Variants in ATP13A4 observed in about 807,000 individuals in gnomAD.
ATP13A4 encodes the protein ATPase 13A4.
ATP13A4 carries 114 observed loss-of-function variants against 142.5 expected under a neutral mutation model. The observed-to-expected ratio is 0.80, with a 90% confidence interval of 0.69 to 0.93. ATP13A4 has a LOEUF of 0.93. Among genes scored for constraint, ATP13A4 ranks in the 40% least tolerant of loss-of-function variants. The pLI, the probability that ATP13A4 is intolerant of heterozygous loss-of-function variation, is 0.00. For missense variants in ATP13A4, 1,392 were observed against 1,454.0 expected (o/e 0.96, Z 0.69); for synonymous variants, 488 against 514.8 (o/e 0.95, Z 0.70).
chr3:193,453,845 C>T (rs536402545), intron 17 of ATP13A4, among the ~76,000 whole-genome samples: 13 of 152,264 alleles, frequency 8.5e-5, no homozygotes, highest in Admixed American at 2.0e-4. Flanking sequence ...TCATATTAAA[C>T]ATCTTATATG....
chr3:193,578,813 T>C (rs1217615635), intron 2 of ATP13A4: 2 of 152,688 alleles, frequency 1.3e-5, no homozygotes, highest in African/African-American at 2.4e-5. Context: ...ACATTAGAAC[T>C]CCACATTCTC....
chr3:193,447,549 G>A (rs1717026317), intron 18 of ATP13A4, among the ~76,000 whole-genome samples: 1 of 152,076 alleles, frequency 6.6e-6, no homozygotes, highest in South Asian at 2.1e-4. Flanking sequence ...ATATGAACAT[G>A]AATTCATTAG....
At chr3:193,440,100 C>T (rs1716535390) in intron 21 of ATP13A4, 1 of 175,904 alleles carries the variant, frequency 5.7e-6, no homozygotes, top group Admixed American at 5.6e-5. Context: ...TGGAAAAATG[C>T]TTTGGCACAC....
intron 1 of ATP13A4, among the ~76,000 whole-genome samples, chr3:193,592,453 G>C (rs142910145): frequency 6.6e-6 from 1 of 152,268 alleles, no homozygotes; most frequent in African/African-American, 2.4e-5. Flanking sequence ...GATGGCCAGA[G>C]AGCCAAAAGA....
rs79146672 is a variant in ATP13A4, at chr3:193,411,956, G to A, written c.3208+222C>T. 4.1e-3 allele frequency among the ~76,000 whole-genome samples: 626 copies of A among 152,316 alleles called. 15 individuals are homozygous for A. The East Asian group carries it at 0.062, about 15-fold the overall frequency. On this transcript the variant is annotated intron_variant, in intron 27 of 29. Coordinates refer to ENST00000342695, the MANE Select transcript of ATP13A4 (RefSeq NM_032279.4). The stretch of plus-strand genomic sequence containing the variant: ...AGACACCCAGAGGCAAACTTCTGGC[G>A]AAGGAAAGGGAGAAAGAAGCCCTAG...
intron 7 of ATP13A4, among the ~76,000 whole-genome samples, chr3:193,489,441 T>G (rs1403575874): frequency 6.6e-6 from 1 of 152,156 alleles, no homozygotes; most frequent in Non-Finnish European, 1.5e-5. Flanking sequence ...TCTACATAAA[T>G]TTTTTCACAT....
intron 16 of ATP13A4, among the ~76,000 whole-genome samples, chr3:193,456,788 G>A (rs559640903): frequency 2.8e-4 from 43 of 152,250 alleles, no homozygotes; most frequent in Admixed American, 7.8e-4. Context: ...GGGTGGTGGC[G>A]GGGGATGGTG....
intron 1 of ATP13A4, among the ~76,000 whole-genome samples, chr3:193,585,988 C>A (rs1724659117): frequency 6.6e-6 from 1 of 152,004 alleles, no homozygotes. Context: ...ACATCCTCGA[C>A]AAAATTTTCA....
intron 1 of ATP13A4, among the ~76,000 whole-genome samples, chr3:193,541,762 G>T (rs758297537): frequency 4.6e-5 from 7 of 152,180 alleles, no homozygotes. Context: ...GTGACAACAA[G>T]CATAGTATTC....
rs11927509 is a variant in ATP13A4 at position 193,582,696 on chromosome 3, A to T, written n.92-790T>A. On this transcript the variant is annotated intron_variant and non_coding_transcript_variant, in intron 1 of 3. Coordinates refer to the ATP13A4 transcript ENST00000489140. The stretch of plus-strand genomic sequence containing the variant: ...TTACATATATATTATATATGTGTAT[A>T]ACATATATAATATATATGTATATTA... 1.6e-3 allele frequency among the ~76,000 whole-genome samples: 86 copies of T among 53,226 alleles called. 30 individuals carry two copies. Among genetic ancestry groups the T allele is most frequent in the African/African-American group, 5.4e-3 (49 of 9,034 alleles). The allele number at this position is 53,226 out of a possible 152,430, so 34.9% of individuals were successfully genotyped here.
chr3:193,415,821 T>C (rs911420340), intron 25 of ATP13A4, among the ~76,000 whole-genome samples: 1 of 152,152 alleles, frequency 6.6e-6, no homozygotes, highest in Non-Finnish European at 1.5e-5. Flanking sequence ...GAAATTTCCT[T>C]GGAGGAATTA....
chr3:193,446,549 G>A (rs1411062110), intron 18 of ATP13A4, among the ~76,000 whole-genome samples: 4 of 152,176 alleles, frequency 2.6e-5, no homozygotes, highest in Admixed American at 2.0e-4. Flanking sequence ...ATTGTCACAA[G>A]GGGTTGCGTA....
intron 2 of ATP13A4, among the ~76,000 whole-genome samples, chr3:193,565,845 T>C (rs1724120289): frequency 6.6e-6 from 1 of 152,252 alleles, no homozygotes; most frequent in Non-Finnish European, 1.5e-5. Context: ...TATCTCACTA[T>C]GTGATGTTGA....
intron 1 of ATP13A4, among the ~76,000 whole-genome samples, chr3:193,523,364 T>C (rs575306719): frequency 1.3e-5 from 2 of 152,148 alleles, no homozygotes; most frequent in East Asian, 3.9e-4. Context: ...GCTAATGAGA[T>C]GACCTTCAGG....
At chr3:193,507,410 T>A (rs1308369237) in intron 2 of ATP13A4, among the ~76,000 whole-genome samples, 1 of 152,116 alleles carries the variant, frequency 6.6e-6, no homozygotes, top group Non-Finnish European at 1.5e-5. Flanking sequence ...TCCCAATGTC[T>A]TTTAGTTGGA....
intron 1 of ATP13A4, among the ~76,000 whole-genome samples, chr3:193,547,286 C>A (rs911376818): frequency 6.6e-6 from 1 of 152,182 alleles, no homozygotes; most frequent in African/African-American, 2.4e-5. Flanking sequence ...AATGATGTAA[C>A]ATCCTTTAAA....
chr3:193,564,856 C>T (rs1724097528), intron 2 of ATP13A4, among the ~76,000 whole-genome samples: 1 of 152,120 alleles, frequency 6.6e-6, no homozygotes, highest in Non-Finnish European at 1.5e-5. Context: ...AGCTCCACCA[C>T]CTGTCAGAGC....
At chr3:193,483,169 C>T (rs1355441958) in intron 8 of ATP13A4, among the ~76,000 whole-genome samples, 2 of 152,222 alleles carry the variant, frequency 1.3e-5, no homozygotes, top group African/African-American at 2.4e-5. Flanking sequence ...CCAAAGAATA[C>T]ATACTGTAAA....
At chr3:193,418,748 C>G (rs551355533) in intron 25 of ATP13A4, among the ~76,000 whole-genome samples, 1 of 150,140 alleles carries the variant, frequency 6.7e-6, no homozygotes, top group Non-Finnish European at 1.5e-5. Flanking sequence ...TAGAAGCCAA[C>G]AGTGTGCCCT....
Sources: allele counts gnomAD v4.1 joint callset (sites outside exome capture counted in the v4.1 genomes callset), GRCh38; gene constraint gnomAD v4.1.1; transcripts MANE v1.5; gene names NCBI Gene and HGNC (gene_info 2026-07-23, HGNC 2026-07-21).